The following CCBE1 variants were observed in gnomAD, a reference collection of about 807,000 sequenced individuals.
The protein encoded by CCBE1 is collagen and calcium binding EGF domains 1.
In CCBE1, 37 loss-of-function variants were observed where a neutral mutation model predicts 50.0. That is an observed-to-expected ratio of 0.74 (90% CI 0.57 to 0.97). The LOEUF is 0.97. CCBE1 is among the 50% of genes least tolerant of loss of function. The pLI, the probability that CCBE1 is intolerant of heterozygous loss-of-function variation, is 0.00. For synonymous variants in CCBE1, 234 were observed against 203.7 expected (o/e 1.15, Z -1.27); for missense variants, 538 against 523.8 (o/e 1.03, Z -0.26).
chr18:59,472,977 G>A (rs1912108122), intron 3 of CCBE1, among the ~76,000 whole-genome samples: 1 of 152,110 alleles, frequency 6.6e-6, no homozygotes. Context: ...AGAACAGTAT[G>A]GGGAAACTGC....
chr18:59,436,772 C>G (rs973141325), intron 10 of CCBE1, among the ~76,000 whole-genome samples: 2 of 152,018 alleles, frequency 1.3e-5, no homozygotes, highest in Non-Finnish European at 1.5e-5. Context: ...AGTTCAAGAC[C>G]AACCTGGAAA....
chr18:59,654,724 G>A (rs1052827828), intron 2 of CCBE1, among the ~76,000 whole-genome samples: 8 of 150,158 alleles, frequency 5.3e-5, no homozygotes, highest in African/African-American at 2.0e-4. Context: ...CCCAGGAGGT[G>A]GAAGTTGCAG....
chr18:59,539,216 AC>A (rs1175484579), intron 2 of CCBE1, among the ~76,000 whole-genome samples: 1 of 151,844 alleles, frequency 6.6e-6, no homozygotes. Context: ...ACAAAAAAAA[AC>A]AGCAAGAAAA....
chr18:59,493,701 A>G (rs1048788554), intron 2 of CCBE1, among the ~76,000 whole-genome samples: 1 of 152,192 alleles, frequency 6.6e-6, no homozygotes, highest in Non-Finnish European at 1.5e-5. Context: ...TAAGATTTAC[A>G]TTTGGTAAAC....
chr18:59,527,512 T>G (rs1335620417), intron 2 of CCBE1, among the ~76,000 whole-genome samples: 1 of 152,212 alleles, frequency 6.6e-6, no homozygotes, highest in Non-Finnish European at 1.5e-5. Flanking sequence ...GTTAATATTA[T>G]GTGTGAATTT....
intron 2 of CCBE1, among the ~76,000 whole-genome samples, chr18:59,643,991 G>T (rs1324411737): frequency 2.6e-5 from 4 of 152,156 alleles, no homozygotes; most frequent in African/African-American, 9.7e-5. Flanking sequence ...CCTCCCACAG[G>T]ATTAGCAGTC....
intron 2 of CCBE1, among the ~76,000 whole-genome samples, chr18:59,626,919 A>G (rs1437823942): frequency 6.6e-6 from 1 of 152,214 alleles, no homozygotes; most frequent in Non-Finnish European, 1.5e-5. Flanking sequence ...TTGTGCTCTT[A>G]GTCACCATGT....
In CCBE1 at chr18:59,435,907, G is replaced by A. The variant is rs772535690; in HGVS notation, c.*1C>T. 6.2e-7 allele frequency: 1 copy of A among 1,612,746 alleles called. No homozygotes were observed. The highest frequency in any genetic ancestry group is 8.5e-7 in the Non-Finnish European group (1 of 1,178,752). On this transcript the variant is annotated 3_prime_UTR_variant, in exon 11 of 11. Transcript: ENST00000439986. The stretch of plus-strand genomic sequence containing the variant: ...CTTTGGCGTGACGGTGTTGGGATGT[G>A]CTATGGGTAGAAGTCTCTGGGGGCT...
At chr18:59,636,669 A>G (rs2053921025) in intron 2 of CCBE1, among the ~76,000 whole-genome samples, 1 of 152,372 alleles carries the variant, frequency 6.6e-6, no homozygotes, top group Non-Finnish European at 1.5e-5. Flanking sequence ...CAGAATGTTT[A>G]CCAACAGATC....
intron 2 of CCBE1, among the ~76,000 whole-genome samples, chr18:59,547,356 G>C (rs1915747112): frequency 6.6e-6 from 1 of 152,164 alleles, no homozygotes; most frequent in South Asian, 2.1e-4. Context: ...GCTCCTGGCA[G>C]AAATTAAAAC....
intron 2 of CCBE1, among the ~76,000 whole-genome samples, chr18:59,553,520 T>C (rs2564494): frequency 0.74 from 112,808 of 152,112 alleles, 42,079 homozygotes; most frequent in East Asian, 0.88. Context: ...GAGTCGTAGC[T>C]GCTGGGAAAT....
intron 2 of CCBE1, among the ~76,000 whole-genome samples, chr18:59,614,406 A>G (rs753322854): frequency 4.6e-5 from 7 of 152,236 alleles, no homozygotes; most frequent in Admixed American, 1.3e-4. Flanking sequence ...GTTTTTTCAC[A>G]TAGTTCTAAT....
intron 1 of CCBE1, 77 bp downstream of exon 1, chr18:59,697,135 G>C (rs1417355035): frequency 6.5e-7 from 1 of 1,537,184 alleles, no homozygotes; most frequent in Non-Finnish European, 8.8e-7. Flanking sequence ...TGGGCGCCGG[G>C]GAGGACCGCC....
At chr18:59,605,324 C>G (rs1028610900) in intron 2 of CCBE1, among the ~76,000 whole-genome samples, 1 of 152,108 alleles carries the variant, frequency 6.6e-6, no homozygotes, top group Non-Finnish European at 1.5e-5. Context: ...CCAGTCACAG[C>G]GATAACAAGA....
intron 5 of CCBE1, 114 bp downstream of exon 5, chr18:59,466,621 ATATT>A (rs1568154745): frequency 2.2e-6 from 1 of 452,052 alleles, no homozygotes; most frequent in African/African-American, 2.1e-5. Flanking sequence ...TTACATAAAT[ATATT>A]TATATATACA....
intron 2 of CCBE1, among the ~76,000 whole-genome samples, chr18:59,517,957 G>A (rs1482914225): frequency 6.6e-6 from 1 of 152,194 alleles, no homozygotes; most frequent in Non-Finnish European, 1.5e-5. Flanking sequence ...GGGGTGTGCT[G>A]TCTCCTATGT....
chr18:59,543,847 A>AAAAAAG (rs1555690355), intron 2 of CCBE1, among the ~76,000 whole-genome samples: 1,911 of 78,510 alleles, frequency 0.024, 41 homozygotes, highest in South Asian at 0.092. Context: ...AAAAAAAAAA[A>AAAAAAG]AAAAAAAAAA....
intron 2 of CCBE1, among the ~76,000 whole-genome samples, chr18:59,521,928 A>C (rs373570735): frequency 9.2e-5 from 14 of 152,298 alleles, no homozygotes; most frequent in African/African-American, 2.9e-4. Flanking sequence ...CCTTAATCCT[A>C]ATTCTCATAT....
At chr18:59,514,444 T>C (rs1365032451) in intron 2 of CCBE1, among the ~76,000 whole-genome samples, 1 of 152,066 alleles carries the variant, frequency 6.6e-6, no homozygotes, top group African/African-American at 2.4e-5. Flanking sequence ...CAGCCTTCCA[T>C]GCAGCCAACA....
Sources: allele counts gnomAD v4.1 joint callset (sites outside exome capture counted in the v4.1 genomes callset), GRCh38; gene constraint gnomAD v4.1.1; transcripts MANE v1.5; gene names NCBI Gene and HGNC (gene_info 2026-07-23, HGNC 2026-07-21).